The following BEND5 variants were observed in gnomAD, a reference collection of about 807,000 sequenced individuals.
BEND5 encodes BEN domain-containing protein 5.
Under a neutral mutation model 43.9 loss-of-function variants are expected in BEND5, and 22 were observed. The observed-to-expected ratio is 0.50, with a 90% CI of 0.36 to 0.72. The LOEUF (loss-of-function observed/expected upper bound fraction) is 0.72, where lower values mean the gene tolerates loss of function less well. BEND5 is among the 30% of genes least tolerant of loss of function. The probability of loss-of-function intolerance (pLI) is 0.00; values close to 1 mark genes in which losing one functional copy is unlikely to be tolerated. For missense variants in BEND5, 428 were observed against 550.6 expected (o/e 0.78, Z 2.23); for synonymous variants, 228 against 225.9 (o/e 1.01, Z -0.08).
intron 1 of BEND5, among the ~76,000 whole-genome samples, chr1:48,762,128 G>A (rs752262963): frequency 1.5e-4 from 23 of 152,204 alleles, no homozygotes; most frequent in Non-Finnish European, 2.8e-4. Context: ...CAAACCCAGA[G>A]GATGGAAGAG....
intron 5 of BEND5, among the ~76,000 whole-genome samples, chr1:48,729,259 G>C (rs1180790605): frequency 6.6e-6 from 1 of 152,164 alleles, no homozygotes; most frequent in East Asian, 1.9e-4. Context: ...TGGCACAGTG[G>C]CAAACTTAAG....
At chr1:48,762,915 C>G (rs189243536) in intron 1 of BEND5, among the ~76,000 whole-genome samples, 1 of 152,154 alleles carries the variant, frequency 6.6e-6, no homozygotes, top group East Asian at 1.9e-4. Flanking sequence ...GGGCCTTAAT[C>G]TCTCTGAACT....
In BEND5 at chr1:48,776,885, C is replaced by G; in HGVS notation, c.-54G>C. ...GGCAGCTCAGCCCGCGGGGCGGGCG[C>G]GGAGGTGGGGATCCGGCGGGGGGCG... On this transcript the variant is annotated 5_prime_UTR_variant, in exon 1 of 6. Transcript: ENST00000371833. 2.9e-6 allele frequency: 2 copies of G among 691,322 alleles called. No homozygotes were observed. The highest frequency in any genetic ancestry group is 3.9e-6 in the Non-Finnish European group (2 of 517,598). The allele number at this position is 691,322 out of a possible 1,614,324, so 42.8% of individuals were successfully genotyped here. A position where few individuals can be genotyped will look rare whatever the true frequency, so the allele number is the denominator to read the frequency against.
intron 3 of BEND5, among the ~76,000 whole-genome samples, chr1:48,748,980 A>G (rs1367186595): frequency 6.6e-6 from 1 of 151,936 alleles, no homozygotes; most frequent in African/African-American, 2.4e-5. Flanking sequence ...GTGGGGCCAT[A>G]CCCTCGGGGA....
In BEND5 at chr1:48,776,867, C is replaced by T. The variant is rs1423366460; in HGVS notation, c.-36G>A. 13 of 1,430,880 alleles carry T rather than the reference C, an allele frequency of 9.1e-6. No individual in the cohort carries two copies. Among genetic ancestry groups the T allele is most frequent in the Middle Eastern group, 4.7e-4 (2 of 4,242 alleles). 88.6% of individuals were successfully genotyped at this position (1,430,880 alleles called of 1,614,324 possible). A position where few individuals can be genotyped will look rare whatever the true frequency, so the allele number is the denominator to read the frequency against. ...GGGGGCGGGCCCCGGTCGGGCAGCT[C>T]AGCCCGCGGGGCGGGCGCGGAGGTG... On this transcript the variant is annotated 5_prime_UTR_variant, in exon 1 of 6. Transcript: ENST00000371833.
chr1:48,756,538 T>A (rs1385704685), intron 3 of BEND5, among the ~76,000 whole-genome samples: 1 of 152,022 alleles, frequency 6.6e-6, no homozygotes, highest in Non-Finnish European at 1.5e-5. Context: ...GAAAATAAGG[T>A]CATAGGAAAG....
intron 1 of BEND5, among the ~76,000 whole-genome samples, chr1:48,764,876 G>A (rs148003301): frequency 0.012 from 1,773 of 152,276 alleles, 14 homozygotes; most frequent in Non-Finnish European, 0.016. Flanking sequence ...CTGCCTGCTG[G>A]CTTCTGCTGG....
intron 5 of BEND5, among the ~76,000 whole-genome samples, chr1:48,728,264 T>C (rs1647499282): frequency 6.6e-6 from 1 of 152,230 alleles, no homozygotes; most frequent in South Asian, 2.1e-4. Flanking sequence ...AGTGTCCACG[T>C]GTCCACCACT....
intron 5 of BEND5, among the ~76,000 whole-genome samples, chr1:48,733,421 A>G (rs1488301477): frequency 1.3e-5 from 2 of 152,172 alleles, no homozygotes; most frequent in Non-Finnish European, 2.9e-5. Context: ...AAAACTGTGG[A>G]AATTCCTTTA....
chr1:48,728,037 A>AAAC lies in BEND5; in HGVS notation c.1112_1114dup (p.Cys371dup). The AAAC allele has an allele frequency of 6.2e-7, 1 of 1,605,438 alleles. No individual in the cohort carries two copies. On this transcript the variant is annotated inframe_insertion, in exon 6 of 6. Transcript: ENST00000371833. ...AGTTTCTTGTGCTATTCTGTCATAC[A>AAAC]AACACTCTAGACGGGGAGAAGAAAC...
chr1:48,765,390 G>C (rs1159600580), intron 1 of BEND5, among the ~76,000 whole-genome samples: 1 of 152,152 alleles, frequency 6.6e-6, no homozygotes, highest in Admixed American at 6.5e-5. Flanking sequence ...TCATTAGGAT[G>C]GCTCAAATCA....
intron 3 of BEND5, among the ~76,000 whole-genome samples, chr1:48,754,550 T>C (rs934828131): frequency 2.6e-5 from 4 of 152,108 alleles, no homozygotes; most frequent in Admixed American, 6.5e-5. Flanking sequence ...GGCATTTACT[T>C]ATTTGGGGGA....
At position 48,736,020 on chromosome 1, in the gene BEND5, T is replaced by C. The variant is rs1648985589; in HGVS notation, c.1108+219A>G. On this transcript the variant is annotated intron_variant, in intron 5 of 5. Coordinates refer to ENST00000371833, the MANE Select transcript of BEND5 (RefSeq NM_024603.4). The surrounding 1 kb of genome is among the most constrained non-coding windows in gnomAD (Gnocchi z 4.0). ...TCTGTCCCTTTCTCATGCTAATTCC[T>C]TGTGGAATATAATCGTACTTGTGTC... Among the ~76,000 whole-genome samples the C allele has an allele frequency of 6.6e-6, 1 of 152,224 alleles. No individual in the cohort carries two copies. Among genetic ancestry groups the C allele is most frequent in the African/African-American group, 2.4e-5 (1 of 41,466 alleles).
intron 1 of BEND5, among the ~76,000 whole-genome samples, chr1:48,768,881 C>T (rs768652636): frequency 7.2e-5 from 11 of 152,168 alleles, no homozygotes; most frequent in Admixed American, 1.3e-4. Context: ...AGTGCATTCT[C>T]TGGCCGATGG....
At chr1:48,769,598 T>C (rs1376949996) in intron 1 of BEND5, among the ~76,000 whole-genome samples, 2 of 149,550 alleles carry the variant, frequency 1.3e-5, no homozygotes, top group Non-Finnish European at 3.0e-5. Flanking sequence ...TGTATGCTCC[T>C]TCCAAGTGCT....
At chr1:48,761,896 T>C (rs886278931) in intron 1 of BEND5, among the ~76,000 whole-genome samples, 2 of 152,142 alleles carry the variant, frequency 1.3e-5, no homozygotes, top group Admixed American at 6.5e-5. Context: ...TGGGTTTCTG[T>C]CAGCTCAAGT....
intron 3 of BEND5, among the ~76,000 whole-genome samples, chr1:48,746,124 G>GA (rs372309360): frequency 3.3e-5 from 5 of 152,196 alleles, no homozygotes; most frequent in African/African-American, 1.2e-4. Context: ...CTGAAAGGAG[G>GA]AAAGATAACA....
chr1:48,747,368 A>C (rs542360893), intron 3 of BEND5, among the ~76,000 whole-genome samples: 52 of 152,332 alleles, frequency 3.4e-4, no homozygotes, highest in African/African-American at 1.2e-3. Flanking sequence ...AAGCTTTTAA[A>C]AAGTATGAAA....
At chr1:48,728,513 G>T (rs1243796659) in intron 5 of BEND5, among the ~76,000 whole-genome samples, 3 of 132,656 alleles carry the variant, frequency 2.3e-5, no homozygotes, top group Non-Finnish European at 1.6e-5. Flanking sequence ...AAATGTTATA[G>T]TTTTGAGATT....
Sources: gnomAD v4.1 joint callset for allele counts (sites outside exome capture counted in the v4.1 genomes callset) on GRCh38, gnomAD v4.1.1 for gene constraint, Gnocchi (gnomAD v3.1) non-coding constraint, MANE v1.5 for transcripts, NCBI Gene and HGNC (gene_info 2026-07-23, HGNC 2026-07-21) for gene names.